The following GRHL2 variants were observed in gnomAD, a reference collection of about 807,000 sequenced individuals.
GRHL2 encodes the protein grainyhead-like protein 2 homolog.
Under a neutral mutation model 83.8 loss-of-function variants are expected in GRHL2, and 21 were observed. The ratio of observed to expected loss-of-function variants is 0.25; its 90% CI spans 0.18 to 0.36. The LOEUF (loss-of-function observed/expected upper bound fraction) is 0.36, where lower values mean the gene tolerates loss of function less well. Ranked by LOEUF, GRHL2 falls within the 10% of genes least tolerant of loss-of-function variation. The pLI, the probability that GRHL2 is intolerant of heterozygous loss-of-function variation, is 1.00. For missense variants in GRHL2, 623 were observed against 781.8 expected, an observed-to-expected ratio of 0.80 and a Z score of 2.42; for synonymous variants, 280 against 278.9, an observed-to-expected ratio of 1.00 and a Z score of -0.04.
intron 9 of GRHL2, among the ~76,000 whole-genome samples, chr8:101,620,203 C>T (rs913952496): frequency 2.2e-4 from 34 of 152,174 alleles, no homozygotes; most frequent in African/African-American, 7.7e-4. Flanking sequence ...AGACTCTACC[C>T]TCATGACCTC....
intron 7 of GRHL2, among the ~76,000 whole-genome samples, chr8:101,593,714 A>G (rs916510345): frequency 3.3e-5 from 5 of 152,144 alleles, no homozygotes; most frequent in African/African-American, 1.2e-4. Flanking sequence ...AAGGATCTCA[A>G]GATAAGATCA....
At chr8:101,568,094 A>T (rs913172721) in intron 4 of GRHL2, among the ~76,000 whole-genome samples, 6 of 152,126 alleles carry the variant, frequency 3.9e-5, no homozygotes, top group Non-Finnish European at 5.9e-5. Context: ...AATGATGGAA[A>T]TTTTTTTTAA....
At chr8:101,559,033 T>C (rs1811548698) in intron 4 of GRHL2, among the ~76,000 whole-genome samples, 1 of 152,122 alleles carries the variant, frequency 6.6e-6, no homozygotes, top group African/African-American at 2.4e-5. Flanking sequence ...CTATTTTTCT[T>C]GGTTCTTAGA....
At chr8:101,607,750 C>A (rs1347067020) in intron 8 of GRHL2, among the ~76,000 whole-genome samples, 1 of 152,002 alleles carries the variant, frequency 6.6e-6, no homozygotes, top group East Asian at 1.9e-4. Context: ...GTAAAGGAAG[C>A]CTTAAAGGAG....
intron 11 of GRHL2, among the ~76,000 whole-genome samples, chr8:101,636,376 G>A (rs927787752): frequency 2.0e-5 from 3 of 152,204 alleles, no homozygotes; most frequent in East Asian, 1.9e-4. Context: ...AGGATACCCC[G>A]GGCCCCTTTG....
intron 9 of GRHL2, among the ~76,000 whole-genome samples, chr8:101,630,247 A>G (rs1314511095): frequency 6.6e-6 from 1 of 152,172 alleles, no homozygotes; most frequent in Non-Finnish European, 1.5e-5. Flanking sequence ...CATGCTGGCC[A>G]GAATTGGGAA....
chr8:101,547,078 A>T lies in GRHL2; in HGVS notation c.216+3642A>T, dbSNP rs535883053. 1.1e-4 allele frequency among the ~76,000 whole-genome samples: 17 copies of T among 152,352 alleles called. No homozygotes were observed. The South Asian group carries it at 3.5e-3, about 32-fold the overall frequency. ...GAAATAATTGGTCTTATTTTCAAAC[A>T]CTGTATGTTCAAATGATCATTTTGA... On this transcript the variant is annotated intron_variant, in intron 2 of 15. Transcript: ENST00000646743.
intron 1 of GRHL2, 133 bp downstream of exon 1, chr8:101,492,922 A>G: frequency 2.4e-6 from 2 of 839,344 alleles, no homozygotes; most frequent in African/African-American, 1.7e-5. Context: ...TTTTTGGTGG[A>G]TCCAGACTTT....
intron 6 of GRHL2, among the ~76,000 whole-genome samples, chr8:101,577,191 TC>T (rs1164258509): frequency 1.3e-5 from 2 of 152,104 alleles, no homozygotes; most frequent in East Asian, 1.9e-4. Flanking sequence ...CTTTTTTTTT[TC>T]CTTCATGCTT....
downstream of GRHL2, among the ~76,000 whole-genome samples, chr8:101,671,440 C>T (rs905881716): frequency 1.3e-5 from 2 of 152,134 alleles, no homozygotes; most frequent in Admixed American, 6.5e-5. Context: ...GATCAAACTG[C>T]AAGGCGGCAG....
Position 101,535,908 on chromosome 8 carries a change from A to G in GRHL2, c.21-7333A>G, listed in dbSNP as rs2130098405. ...TACAAATTAAATGGTAGATTATGTA[A>G]TAAATAACACATAGGCTGTGAAAAT... On this transcript the variant is annotated intron_variant, in intron 1 of 15. Coordinates refer to ENST00000646743, the MANE Select transcript of GRHL2 (RefSeq NM_024915.4). Among the ~76,000 whole-genome samples the G allele has an allele frequency of 1.3e-5, 2 of 152,352 alleles. 1 individual carries two copies. The highest frequency in any genetic ancestry group is 4.1e-4 in the South Asian group (2 of 4,830).
rs1810046687 is a variant in GRHL2, at chr8:101,494,225, G to A, written c.20+1436G>A. 2.0e-5 allele frequency among the ~76,000 whole-genome samples: 3 copies of A among 152,338 alleles called. No individual in the cohort carries two copies. The South Asian group carries it at 6.2e-4, about 32-fold the overall frequency. ...CCGTCCCAAGTTGAGGGACCACGAG[G>A]GAGGAGTGGGAAGGCCCTGCGGACC... On this transcript the variant is annotated intron_variant, in intron 1 of 15. Coordinates refer to ENST00000646743, the MANE Select transcript of GRHL2 (RefSeq NM_024915.4).
Position 101,596,072 on chromosome 8 carries a change from A to T in GRHL2, c.1004-2985A>T, listed in dbSNP as rs187508696. Among the ~76,000 whole-genome samples the T allele has an allele frequency of 7.0e-4, 107 of 152,230 alleles. 2 individuals carry two copies. The East Asian group carries it at 0.019, about 27-fold the overall frequency. ...GAGGCAGAGCTTGCAGTGAGCTGAG[A>T]TTGCACCACTGCACTCCAGCCTTGG... On this transcript the variant is annotated intron_variant, in intron 7 of 15. Coordinates refer to ENST00000646743, the MANE Select transcript of GRHL2 (RefSeq NM_024915.4).
chr8:101,587,744 A>G (rs569542692), intron 7 of GRHL2, among the ~76,000 whole-genome samples: 4 of 149,700 alleles, frequency 2.7e-5, no homozygotes, highest in Non-Finnish European at 5.9e-5. Context: ...AAAATGACCA[A>G]AAAAAAACCT....
intron 7 of GRHL2, among the ~76,000 whole-genome samples, chr8:101,580,506 C>T (rs532832078): frequency 1.5e-4 from 21 of 142,636 alleles, no homozygotes; most frequent in African/African-American, 4.1e-4. Flanking sequence ...CTGCCTGCCT[C>T]GGCCTCCCAA....
At chr8:101,493,869 C>T (rs1003829228) in intron 1 of GRHL2, among the ~76,000 whole-genome samples, 15 of 151,920 alleles carry the variant, frequency 9.9e-5, no homozygotes, top group Non-Finnish European at 1.6e-4. Flanking sequence ...TGACGGCCTC[C>T]CCCCTGGCCG....
At chr8:101,493,496 G>A (rs1204640764) in intron 1 of GRHL2, among the ~76,000 whole-genome samples, 2 of 151,766 alleles carry the variant, frequency 1.3e-5, no homozygotes, top group African/African-American at 4.8e-5. Context: ...AGGTGCCCGG[G>A]GGGAAAGGAC....
chr8:101,666,572 T>G lies in GRHL2; in HGVS notation c.1764-17T>G, dbSNP rs1814063016. The G allele has an allele frequency of 6.7e-7, 1 of 1,490,286 alleles. No homozygotes were observed. The highest frequency in any genetic ancestry group is 1.1e-5 in the South Asian group (1 of 88,614). 92.3% of individuals were successfully genotyped at this position (1,490,286 alleles called of 1,614,324 possible). Reference sequence around the variant, plus strand: ...ACGGCGTCTTTGTTTTTCACACCCCTCCCCCCTCCATGGCAGCATCTTGGT... The same window carrying G: ...ACGGCGTCTTTGTTTTTCACACCCCGCCCCCCTCCATGGCAGCATCTTGGT... On this transcript the variant is annotated splice_polypyrimidine_tract_variant and intron_variant, in intron 15 of 15. Coordinates refer to ENST00000646743, the MANE Select transcript of GRHL2 (RefSeq NM_024915.4).
intron 1 of GRHL2, among the ~76,000 whole-genome samples, chr8:101,504,569 T>C (rs950487436): frequency 3.3e-5 from 5 of 152,126 alleles, no homozygotes; most frequent in African/African-American, 1.2e-4. Context: ...TTGAGCTTTT[T>C]TGAAGGGACA....
Sources: allele counts gnomAD v4.1 joint callset (sites outside exome capture counted in the v4.1 genomes callset), GRCh38; gene constraint gnomAD v4.1.1; transcripts MANE v1.5; gene names NCBI Gene and HGNC (gene_info 2026-07-23, HGNC 2026-07-21).